DCDC2: variants seen among roughly 807,000 people sequenced by gnomAD.
DCDC2 encodes the protein doublecortin domain-containing protein 2.
In DCDC2, 40 loss-of-function variants were observed where a neutral mutation model predicts 50.2. That is an observed-to-expected ratio of 0.80 (90% CI 0.62 to 1.04). The LOEUF (loss-of-function observed/expected upper bound fraction) is 1.04. Among genes scored for constraint, DCDC2 ranks in the 50% least tolerant of loss-of-function variants. The pLI, the probability that DCDC2 is intolerant of heterozygous loss-of-function variation, is 0.00. For synonymous variants in DCDC2, 234 were observed against 210.6 expected, an observed-to-expected ratio of 1.11 and a Z score of -0.96; for missense variants, 570 against 581.9, an observed-to-expected ratio of 0.98 and a Z score of 0.21.
chr6:24,266,993 T>C (rs1204296488), intron 7 of DCDC2, among the ~76,000 whole-genome samples: 1 of 152,174 alleles, frequency 6.6e-6, no homozygotes, highest in East Asian at 1.9e-4. Flanking sequence ...AATGAGATAC[T>C]GTCATTTCCA....
At chr6:24,351,966 T>C (rs1283541752) in intron 2 of DCDC2, among the ~76,000 whole-genome samples, 2 of 151,932 alleles carry the variant, frequency 1.3e-5, no homozygotes, top group East Asian at 3.9e-4. Context: ...TAGCCAGGTG[T>C]GGTGGCACGT....
At chr6:24,282,232 A>G (rs1357491419) in intron 6 of DCDC2, among the ~76,000 whole-genome samples, 15 of 149,792 alleles carry the variant, frequency 1.0e-4, no homozygotes, top group Admixed American at 1.0e-3. Context: ...TCACTCTACC[A>G]AGATTGGGAT....
chr6:24,283,328 A>G (rs185463195), intron 6 of DCDC2, among the ~76,000 whole-genome samples: 12 of 149,254 alleles, frequency 8.0e-5, no homozygotes, highest in Admixed American at 2.7e-4. Flanking sequence ...CTATAAAAGG[A>G]ATGACTTCTG....
intron 7 of DCDC2, among the ~76,000 whole-genome samples, chr6:24,272,904 C>T (rs1763267418): frequency 6.6e-6 from 1 of 152,088 alleles, no homozygotes; most frequent in South Asian, 2.1e-4. Flanking sequence ...AAGACACCTG[C>T]ACTTGTATTT....
intron 9 of DCDC2, 125 bp downstream of exon 9, chr6:24,178,205 T>G (rs931675467): frequency 8.5e-6 from 8 of 939,092 alleles, no homozygotes; most frequent in Non-Finnish European, 1.3e-5. Flanking sequence ...GTATTGGATC[T>G]TTCCTACTCA....
intron 6 of DCDC2, among the ~76,000 whole-genome samples, chr6:24,278,651 C>T (rs1461263752): frequency 6.6e-6 from 1 of 152,138 alleles, no homozygotes; most frequent in Non-Finnish European, 1.5e-5. Context: ...CACTGTAAAT[C>T]CACTGCCTTA....
chr6:24,178,846 T>C (rs1760986181), intron 8 of DCDC2, among the ~76,000 whole-genome samples: 1 of 152,108 alleles, frequency 6.6e-6, no homozygotes, highest in Non-Finnish European at 1.5e-5. Flanking sequence ...ACAACAATCC[T>C]TTGAAATTGT....
At chr6:24,316,083 T>A (rs922137398) in intron 2 of DCDC2, among the ~76,000 whole-genome samples, 4 of 152,116 alleles carry the variant, frequency 2.6e-5, no homozygotes, top group Non-Finnish European at 5.9e-5. Context: ...CAGAGAACAT[T>A]TGCACTTGCT....
At chr6:24,353,298 A>T (rs1402195670) in intron 2 of DCDC2, 1 of 513,082 alleles carries the variant, frequency 1.9e-6, no homozygotes, top group African/African-American at 1.9e-5. Flanking sequence ...CTTCCCATGG[A>T]TTTCAATCAG....
At chr6:24,307,840 C>A (rs1441294122) in intron 2 of DCDC2, among the ~76,000 whole-genome samples, 2 of 151,674 alleles carry the variant, frequency 1.3e-5, no homozygotes. Context: ...CTAGACTGAA[C>A]GGGCCCTATT....
intron 7 of DCDC2, among the ~76,000 whole-genome samples, chr6:24,223,655 C>T (rs141599345): frequency 7.2e-5 from 11 of 152,254 alleles, no homozygotes; most frequent in African/African-American, 2.2e-4. Flanking sequence ...TTTTGCATAT[C>T]CGACTTACCT....
chr6:24,183,694 G>A (rs1289925615), intron 8 of DCDC2, among the ~76,000 whole-genome samples: 1 of 152,104 alleles, frequency 6.6e-6, no homozygotes. Context: ...TTGGGCCAAG[G>A]GCACCCATCT....
At chr6:24,264,899 C>T (rs976182650) in intron 7 of DCDC2, among the ~76,000 whole-genome samples, 3 of 150,570 alleles carry the variant, frequency 2.0e-5, no homozygotes, top group African/African-American at 4.9e-5. Context: ...TAAAGACACA[C>T]ACAAACTGAA....
chr6:24,346,706 A>G (rs537847672), intron 2 of DCDC2, among the ~76,000 whole-genome samples: 3 of 151,616 alleles, frequency 2.0e-5, no homozygotes, highest in Non-Finnish European at 4.4e-5. Context: ...GTGAGCCGAG[A>G]TCATACCATT....
At chr6:24,202,069 G>A (rs939819678) in intron 8 of DCDC2, among the ~76,000 whole-genome samples, 4 of 151,998 alleles carry the variant, frequency 2.6e-5, no homozygotes, top group Admixed American at 1.3e-4. Context: ...AAAAGGAGCT[G>A]GTACCATTCC....
At chr6:24,197,387 C>A (rs899751870) in intron 8 of DCDC2, among the ~76,000 whole-genome samples, 1 of 152,166 alleles carries the variant, frequency 6.6e-6, no homozygotes, top group African/African-American at 2.4e-5. Flanking sequence ...CTATGATTTT[C>A]TCTTAATATT....
rs533308674 is a variant in DCDC2, at chr6:24,278,295, G to C, written c.760-84C>G. ...AGTAAATACATGTCATTAACTACTG[G>C]TAAGCAGGGCAGGGGCAGGGAGGTG... is the stretch of plus-strand genomic sequence containing the variant. On this transcript the variant is annotated intron_variant, in intron 6 of 9. Coordinates refer to ENST00000378454, the MANE Select transcript of DCDC2 (RefSeq NM_016356.5). 2.4e-4 allele frequency: 314 copies of C among 1,294,890 alleles called. 2 individuals are homozygous for C. The South Asian group carries it at 4.5e-3, about 19-fold the overall frequency. The allele number at this position is 1,294,890 out of a possible 1,614,324, so 80.2% of individuals were successfully genotyped here.
intron 7 of DCDC2, among the ~76,000 whole-genome samples, chr6:24,210,501 C>A (rs967246497): frequency 6.6e-6 from 1 of 152,194 alleles, no homozygotes; most frequent in Non-Finnish European, 1.5e-5. Flanking sequence ...TCCTCCTGGC[C>A]TCAGTTTCTA....
chr6:24,239,209 G>A (rs768649902), intron 7 of DCDC2, among the ~76,000 whole-genome samples: 9 of 152,124 alleles, frequency 5.9e-5, no homozygotes, highest in Non-Finnish European at 1.3e-4. Flanking sequence ...AAGTACAATG[G>A]AGGCAAAGAC....
Sources: allele counts gnomAD v4.1 joint callset (sites outside exome capture counted in the v4.1 genomes callset), GRCh38; gene constraint gnomAD v4.1.1; transcripts MANE v1.5; gene names NCBI Gene and HGNC (gene_info 2026-07-23, HGNC 2026-07-21).